EBF2: variants seen among roughly 807,000 people sequenced by gnomAD.
EBF2 encodes EBF transcription factor 2.
In EBF2, 21 loss-of-function variants were observed where a neutral mutation model predicts 72.8. That is an observed-to-expected ratio of 0.29 (90% CI 0.20 to 0.42). The LOEUF is 0.42. Among genes scored for constraint, EBF2 ranks in the 10% least tolerant of loss-of-function variants. EBF2 has a pLI of 1.00. For missense variants in EBF2, 637 were observed against 731.2 expected (o/e 0.87, Z 1.49); for synonymous variants, 299 against 274.2 (o/e 1.09, Z -0.89).
intron 15 of EBF2, among the ~76,000 whole-genome samples, chr8:25,849,786 A>C (rs1333661178): frequency 6.6e-6 from 1 of 152,182 alleles, no homozygotes; most frequent in African/African-American, 2.4e-5. Context: ...AGAAACTATG[A>C]CTTTTCTATT....
At chr8:25,879,603 A>C (rs1802572833) in intron 10 of EBF2, among the ~76,000 whole-genome samples, 1 of 152,188 alleles carries the variant, frequency 6.6e-6, no homozygotes, top group Admixed American at 6.5e-5. Context: ...TCCTGGAAAA[A>C]GACCCACTCT....
intron 6 of EBF2, among the ~76,000 whole-genome samples, chr8:26,010,255 A>G (rs929058150): frequency 6.6e-6 from 1 of 152,172 alleles, no homozygotes; most frequent in African/African-American, 2.4e-5. Context: ...GTCTGCTGTT[A>G]TTGGTCTAAT....
rs1805579921 is a variant in EBF2, at chr8:26,040,485, G to A, written c.408+131C>T. ...TTCCCTAGCAGACAAGGTGCTGGGA[G>A]GGGGACGTGGAGGGGGCTGTGGAGT... On this transcript the variant is annotated intron_variant, in intron 4 of 15. Transcript: ENST00000520164. 6 of 795,656 alleles carry A rather than the reference G, an allele frequency of 7.5e-6. No individual in the cohort carries two copies. In the South Asian group the frequency reaches 9.2e-5, roughly 12 times the overall value. 49.3% of individuals were successfully genotyped at this position (795,656 alleles called of 1,614,324 possible).
intron 14 of EBF2, among the ~76,000 whole-genome samples, chr8:25,852,204 G>C (rs939806265): frequency 6.6e-6 from 1 of 152,154 alleles, no homozygotes; most frequent in African/African-American, 2.4e-5. Flanking sequence ...ACACTGTTGG[G>C]CTAATTCACA....
chr8:25,993,508 C>T (rs1804576912), intron 6 of EBF2, among the ~76,000 whole-genome samples: 1 of 152,226 alleles, frequency 6.6e-6, no homozygotes, highest in South Asian at 2.1e-4. Flanking sequence ...CTGCCACCCT[C>T]CTGGTCTGAG....
At chr8:25,866,332 TTATCATGGTTC>T (rs1463958893) in intron 10 of EBF2, among the ~76,000 whole-genome samples, 1 of 150,700 alleles carries the variant, frequency 6.6e-6, no homozygotes, top group African/African-American at 2.4e-5. Context: ...TAGATATTAT[TTATCATGGTTC>T]AATAAGGGTT....
At chr8:25,940,067 T>A (rs758804869) in intron 6 of EBF2, among the ~76,000 whole-genome samples, 2 of 152,172 alleles carry the variant, frequency 1.3e-5, no homozygotes, top group Non-Finnish European at 2.9e-5. Context: ...CTGTTGATTA[T>A]AAACACATAG....
intron 6 of EBF2, among the ~76,000 whole-genome samples, chr8:25,958,269 C>T (rs973502771): frequency 2.0e-5 from 3 of 152,198 alleles, no homozygotes; most frequent in African/African-American, 7.2e-5. Context: ...AGTAAATAAA[C>T]GTGGTCTTAA....
intron 6 of EBF2, among the ~76,000 whole-genome samples, chr8:25,937,926 C>T (rs974973838): frequency 6.6e-6 from 1 of 151,752 alleles, no homozygotes; most frequent in Non-Finnish European, 1.5e-5. Context: ...CACCCAAGTT[C>T]GCTTTACCTC....
chr8:25,931,938 A>G (rs962724444), intron 6 of EBF2, among the ~76,000 whole-genome samples: 1 of 152,160 alleles, frequency 6.6e-6, no homozygotes, highest in Non-Finnish European at 1.5e-5. Flanking sequence ...TTGCTGCACT[A>G]TTGTTATTAC....
At chr8:25,880,267 G>A (rs968930734) in intron 10 of EBF2, among the ~76,000 whole-genome samples, 20 of 151,980 alleles carry the variant, frequency 1.3e-4, no homozygotes, top group Non-Finnish European at 1.2e-4. Context: ...TTCCTTTTAC[G>A]TAATCACATC....
At chr8:26,037,433 G>A (rs1478144959) in intron 5 of EBF2, among the ~76,000 whole-genome samples, 1 of 152,150 alleles carries the variant, frequency 6.6e-6, no homozygotes, top group Non-Finnish European at 1.5e-5. Flanking sequence ...TAAGCGCACA[G>A]CATGGTGGCT....
intron 6 of EBF2, among the ~76,000 whole-genome samples, chr8:25,949,356 G>T (rs542879963): frequency 3.9e-5 from 6 of 152,206 alleles, no homozygotes; most frequent in Non-Finnish European, 5.9e-5. Flanking sequence ...AATCACATTG[G>T]AAGTTTGATC....
intron 15 of EBF2, among the ~76,000 whole-genome samples, 180 bp downstream of exon 15, chr8:25,850,414 C>A (rs1034292010): frequency 6.6e-6 from 1 of 152,194 alleles, no homozygotes; most frequent in Non-Finnish European, 1.5e-5. Flanking sequence ...ATGCCTGGCC[C>A]CATCTTGCTT....
chr8:25,858,210 C>T (rs1295471162), intron 14 of EBF2, 109 bp downstream of exon 14: 5 of 1,351,250 alleles, frequency 3.7e-6, no homozygotes, highest in East Asian at 4.7e-5. Context: ...CTAGGCTGCT[C>T]CCCGACAACT....
At chr8:26,021,558 A>C (rs975197190) in intron 6 of EBF2, among the ~76,000 whole-genome samples, 1 of 152,194 alleles carries the variant, frequency 6.6e-6, no homozygotes, top group Non-Finnish European at 1.5e-5. Context: ...AAAATACAAG[A>C]TGCTCAGTTA....
chr8:25,999,926 T>C (rs1332151394), intron 6 of EBF2, among the ~76,000 whole-genome samples: 1 of 152,136 alleles, frequency 6.6e-6, no homozygotes, highest in Non-Finnish European at 1.5e-5. Context: ...CTGAAATGTA[T>C]CTAGCCCCAG....
At position 25,900,803 on chromosome 8, in the gene EBF2, TA is replaced by T. The variant is rs546155076; in HGVS notation, c.633+7670del. 3.1e-4 allele frequency among the ~76,000 whole-genome samples: 40 copies of T among 129,980 alleles called. 1 individual carries two copies. The highest frequency in any genetic ancestry group is 4.7e-4 in the Non-Finnish European group (29 of 61,148). 85.3% of individuals were successfully genotyped at this position (129,980 alleles called of 152,430 possible). A position where few individuals can be genotyped will look rare whatever the true frequency, so the allele number is the denominator to read the frequency against. ...AGTATAATAATAATAAAATAAAAAA[TA>T]AAAAAAGTGAGAAAACTAAAAAAAA... On this transcript the variant is annotated intron_variant, in intron 7 of 15. Coordinates refer to ENST00000520164, the MANE Select transcript of EBF2 (RefSeq NM_022659.4).
chr8:25,876,590 C>T (rs1210311082), intron 10 of EBF2, among the ~76,000 whole-genome samples: 1 of 152,178 alleles, frequency 6.6e-6, no homozygotes, highest in Non-Finnish European at 1.5e-5. Context: ...TTCCTGTGCA[C>T]CTCTCCAGAG....
Sources: allele counts gnomAD v4.1 joint callset (sites outside exome capture counted in the v4.1 genomes callset), GRCh38; gene constraint gnomAD v4.1.1; transcripts MANE v1.5; gene names NCBI Gene and HGNC (gene_info 2026-07-23, HGNC 2026-07-21).